EYS: variants seen among roughly 807,000 people sequenced by gnomAD.
EYS encodes the protein protein eyes shut homolog.
In EYS, 250 loss-of-function variants were observed where a neutral mutation model predicts 282.1. The observed-to-expected ratio is 0.89, with a 90% CI of 0.80 to 0.98. The LOEUF (loss-of-function observed/expected upper bound fraction) is 0.98. EYS is among the 50% of genes least tolerant of loss of function. The probability of loss-of-function intolerance (pLI) is 0.00; values close to 1 mark genes in which losing one functional copy is unlikely to be tolerated. For missense variants in EYS, 4,016 were observed against 3,709.0 expected, an observed-to-expected ratio of 1.08 and a Z score of -2.15; for synonymous variants, 1,355 against 1,282.9, an observed-to-expected ratio of 1.06 and a Z score of -1.20.
At chr6:64,932,129 C>T (rs527989430) in intron 15 of EYS, among the ~76,000 whole-genome samples, 21 of 152,190 alleles carry the variant, frequency 1.4e-4, no homozygotes, top group Admixed American at 3.9e-4. Flanking sequence ...TAATCAGCTT[C>T]GTGGTTGTAA....
intron 12 of EYS, among the ~76,000 whole-genome samples, chr6:65,190,799 A>G (rs1400110593): frequency 1.3e-5 from 2 of 151,824 alleles, no homozygotes; most frequent in Non-Finnish European, 2.9e-5. Context: ...TGCATGTATC[A>G]CATCTTAACC....
At chr6:64,678,927 C>A (rs970419295) in intron 22 of EYS, among the ~76,000 whole-genome samples, 1 of 142,492 alleles carries the variant, frequency 7.0e-6, no homozygotes, top group Non-Finnish European at 1.5e-5. Context: ...GCAGAGGTTG[C>A]AATAAGCAAA....
chr6:64,443,691 C>A lies in EYS; in HGVS notation c.5645-4339G>T, dbSNP rs533169080. ...TAGTTTTAAAAACAAGAGTTTCTCT[C>A]TTTGCCTGCTGCCATCTCTCTTTTT... On this transcript the variant is annotated intron_variant, in intron 26 of 42. Coordinates refer to ENST00000503581, the MANE Select transcript of EYS (RefSeq NM_001142800.2). Among the ~76,000 whole-genome samples, 91 of 152,250 alleles carry A rather than the reference C, an allele frequency of 6.0e-4. 2 individuals are homozygous for A. In the South Asian group the frequency reaches 0.018, roughly 30 times the overall value.
intron 22 of EYS, among the ~76,000 whole-genome samples, chr6:64,715,970 C>G (rs1771377351): frequency 6.6e-6 from 1 of 152,138 alleles, no homozygotes; most frequent in Admixed American, 6.5e-5. Context: ...AACCTCTGGC[C>G]AGTGATCTAC....
At chr6:64,059,613 G>A (rs1410468127) in intron 33 of EYS, among the ~76,000 whole-genome samples, 3 of 152,040 alleles carry the variant, frequency 2.0e-5, no homozygotes, top group Non-Finnish European at 4.4e-5. Flanking sequence ...ACTTTATATA[G>A]TAGAACATTC....
At chr6:65,180,079 A>G (rs1350359134) in intron 12 of EYS, among the ~76,000 whole-genome samples, 1 of 151,300 alleles carries the variant, frequency 6.6e-6, no homozygotes, top group Non-Finnish European at 1.5e-5. Context: ...GCTATCTACG[A>G]CAAACCCACA....
chr6:64,858,050 C>T (rs1347841192), intron 19 of EYS, among the ~76,000 whole-genome samples: 3 of 151,964 alleles, frequency 2.0e-5, no homozygotes, highest in Admixed American at 2.0e-4. Context: ...CTTTGGGTTG[C>T]CTCTTCACTT....
At chr6:64,648,715 C>T (rs576456044) in intron 22 of EYS, among the ~76,000 whole-genome samples, 1 of 152,008 alleles carries the variant, frequency 6.6e-6, no homozygotes, top group Non-Finnish European at 1.5e-5. Flanking sequence ...ACTGATAAAC[C>T]GTTCAGAAGG....
At chr6:64,288,984 G>T (rs994189493) in intron 30 of EYS, among the ~76,000 whole-genome samples, 4 of 151,884 alleles carry the variant, frequency 2.6e-5, no homozygotes, top group African/African-American at 9.7e-5. Context: ...CCTAATTCCA[G>T]TCTCATTTCT....
chr6:63,778,989 T>C (rs1582198353), intron 39 of EYS: 2 of 151,980 alleles, frequency 1.3e-5, no homozygotes, highest in East Asian at 1.9e-4. Flanking sequence ...TCTCCTTATA[T>C]AATGAGGACA....
chr6:64,418,472 A>C lies in EYS; in HGVS notation c.5927+17702T>G, dbSNP rs75082590. 1.7e-3 allele frequency among the ~76,000 whole-genome samples: 259 copies of C among 152,278 alleles called. 6 individuals carry two copies. The East Asian group carries it at 0.046, about 27-fold the overall frequency. ...CTGTGTTCTGCCCTCTGTGTGTTCG[A>C]ATGAGAAAACCAGGCAAAATAGGTC... is the stretch of plus-strand genomic sequence containing the variant. On this transcript the variant is annotated intron_variant, in intron 28 of 42. Transcript: ENST00000503581.
intron 31 of EYS, among the ~76,000 whole-genome samples, chr6:64,102,083 G>A (rs112893427): frequency 0.012 from 1,881 of 152,138 alleles, 34 homozygotes; most frequent in African/African-American, 0.043. Context: ...CTTCTGTGCC[G>A]CCGGTTCCTA....
At chr6:64,155,204 A>G (rs547963158) in intron 31 of EYS, among the ~76,000 whole-genome samples, 3 of 152,306 alleles carry the variant, frequency 2.0e-5, no homozygotes, top group African/African-American at 4.8e-5. Context: ...ACAGGATTTA[A>G]TGTTGTACTG....
intron 28 of EYS, among the ~76,000 whole-genome samples, chr6:64,408,052 G>T (rs1773780732): frequency 6.6e-6 from 1 of 152,020 alleles, no homozygotes; most frequent in South Asian, 2.1e-4. Context: ...TTTTAAAAGG[G>T]AATACATAAC....
chr6:64,739,430 C>T (rs933902948), intron 22 of EYS, among the ~76,000 whole-genome samples: 1 of 152,100 alleles, frequency 6.6e-6, no homozygotes, highest in Admixed American at 6.6e-5. Context: ...TCTTTAAAGA[C>T]TAAAGTTTAG....
At chr6:65,098,690 G>A (rs1456326512) in intron 12 of EYS, among the ~76,000 whole-genome samples, 2 of 150,552 alleles carry the variant, frequency 1.3e-5, no homozygotes, top group East Asian at 3.9e-4. Context: ...ATTAGACTCT[G>A]GTAGAACAGC....
At chr6:63,850,580 T>G (rs1420351722) in intron 36 of EYS, among the ~76,000 whole-genome samples, 1 of 152,188 alleles carries the variant, frequency 6.6e-6, no homozygotes, top group African/African-American at 2.4e-5. Flanking sequence ...AAACTAAGCT[T>G]CATAAGCGAA....
At chr6:65,202,810 G>A (rs777786095) in intron 12 of EYS, among the ~76,000 whole-genome samples, 1 of 152,124 alleles carries the variant, frequency 6.6e-6, no homozygotes, top group African/African-American at 2.4e-5. Context: ...GGATGCCAGA[G>A]GGAGACTCAC....
At chr6:64,919,964 C>T (rs535332295) in intron 15 of EYS, among the ~76,000 whole-genome samples, 7 of 152,260 alleles carry the variant, frequency 4.6e-5, no homozygotes, top group Non-Finnish European at 7.4e-5. Flanking sequence ...TGATGGAACT[C>T]ATGCTGTATT....
Sources: allele counts gnomAD v4.1 joint callset (sites outside exome capture counted in the v4.1 genomes callset), GRCh38; gene constraint gnomAD v4.1.1; transcripts MANE v1.5; gene names NCBI Gene and HGNC (gene_info 2026-07-23, HGNC 2026-07-21).